RAB27B: variants seen among roughly 807,000 people sequenced by gnomAD.
RAB27B encodes RAB27B, member RAS oncogene family.
Under a neutral mutation model 24.6 loss-of-function variants are expected in RAB27B, and 15 were observed. The ratio of observed to expected loss-of-function variants is 0.61; its 90% CI spans 0.41 to 0.94. RAB27B has a LOEUF of 0.94. Ranked by LOEUF, RAB27B falls within the 40% of genes least tolerant of loss-of-function variation. The probability of loss-of-function intolerance (pLI) is 0.00; values close to 1 mark genes in which losing one functional copy is unlikely to be tolerated. For synonymous variants in RAB27B, 105 were observed against 92.5 expected, an observed-to-expected ratio of 1.14 and a Z score of -0.78; for missense variants, 261 against 266.8, an observed-to-expected ratio of 0.98 and a Z score of 0.15.
intron 1 of RAB27B, among the ~76,000 whole-genome samples, chr18:54,875,842 G>A (rs1238383399): frequency 6.6e-6 from 1 of 151,926 alleles, no homozygotes; most frequent in Non-Finnish European, 1.5e-5. Flanking sequence ...GTTTTGATTG[G>A]TGACTAAAGT....
At chr18:54,725,494 G>A (rs935482130) in intron 2 of RAB27B, among the ~76,000 whole-genome samples, 3 of 151,532 alleles carry the variant, frequency 2.0e-5, no homozygotes, top group Admixed American at 2.0e-4. Context: ...GGTAATGTTT[G>A]TTGCCTGTAT....
In RAB27B at chr18:54,863,193, A is replaced by G. The variant is rs1912074962; in HGVS notation, c.-19-14374A>G. Among the ~76,000 whole-genome samples the G allele has an allele frequency of 1.3e-5, 2 of 152,240 alleles. 1 individual carries two copies. Among genetic ancestry groups the G allele is most frequent in the South Asian group, 4.1e-4 (2 of 4,838 alleles). On this transcript the variant is annotated intron_variant, in intron 1 of 5. Coordinates refer to ENST00000262094, the MANE Select transcript of RAB27B (RefSeq NM_004163.4). ...TGATTAAGTATATATGTGATTAAATACATAGATTATTAAAGGTACATATGA... is the reference window on the plus strand; with the variant it reads ...TGATTAAGTATATATGTGATTAAATGCATAGATTATTAAAGGTACATATGA...
intron 2 of RAB27B, among the ~76,000 whole-genome samples, chr18:54,809,973 A>G (rs1327373622): frequency 6.6e-6 from 1 of 152,214 alleles, no homozygotes; most frequent in African/African-American, 2.4e-5. Context: ...TAATTTTATT[A>G]TTCTGACTGT....
intron 1 of RAB27B, among the ~76,000 whole-genome samples, chr18:54,849,931 C>T (rs1038855470): frequency 1.3e-5 from 2 of 152,002 alleles, no homozygotes; most frequent in Non-Finnish European, 2.9e-5. Flanking sequence ...TTACTCATAC[C>T]TTTAAAAGGA....
chr18:54,865,360 A>G (rs1912175003), intron 1 of RAB27B, among the ~76,000 whole-genome samples: 1 of 151,294 alleles, frequency 6.6e-6, no homozygotes, highest in Non-Finnish European at 1.5e-5. Context: ...GGTACCTAAG[A>G]ATTGCCAAGG....
intron 2 of RAB27B, among the ~76,000 whole-genome samples, chr18:54,794,945 C>T (rs1028892728): frequency 1.4e-4 from 22 of 152,106 alleles, no homozygotes; most frequent in African/African-American, 5.3e-4. Flanking sequence ...CTTTTTTTGA[C>T]TACTCCTATT....
At chr18:54,826,988 G>A (rs1469632597), upstream of RAB27B, among the ~76,000 whole-genome samples, 1 of 152,150 alleles carries the variant, frequency 6.6e-6, no homozygotes, top group Non-Finnish European at 1.5e-5. Context: ...TAGCACAGAG[G>A]GTGATTTTAA....
chr18:54,742,075 AAT>A (rs1403970628), intron 2 of RAB27B, among the ~76,000 whole-genome samples: 1 of 152,224 alleles, frequency 6.6e-6, no homozygotes. Flanking sequence ...TAGAGGAGTG[AAT>A]GTTTTCATAT....
chr18:54,764,919 T>A (rs975110722), intron 2 of RAB27B, among the ~76,000 whole-genome samples: 1 of 152,154 alleles, frequency 6.6e-6, no homozygotes, highest in Non-Finnish European at 1.5e-5. Flanking sequence ...AAAAGACTGC[T>A]TGTGTCATTT....
chr18:54,718,487 A>C (rs572068943), intron 2 of RAB27B, among the ~76,000 whole-genome samples: 10 of 152,310 alleles, frequency 6.6e-5, no homozygotes, highest in African/African-American at 1.4e-4. Context: ...GCCATGGTGC[A>C]GTGTTGGAGT....
intron 1 of RAB27B, among the ~76,000 whole-genome samples, chr18:54,835,234 A>G (rs970173008): frequency 1.3e-5 from 2 of 152,038 alleles, no homozygotes; most frequent in South Asian, 2.1e-4. Context: ...ACGTTTTCTA[A>G]TATTAAGAGG....
chr18:54,732,503 G>A (rs1054665646), intron 2 of RAB27B, among the ~76,000 whole-genome samples: 5 of 152,108 alleles, frequency 3.3e-5, no homozygotes, highest in Admixed American at 2.6e-4. Context: ...GGAAACAGAA[G>A]CCATGGCTTA....
chr18:54,750,707 C>T (rs1356159121), intron 2 of RAB27B, among the ~76,000 whole-genome samples: 1 of 152,156 alleles, frequency 6.6e-6, no homozygotes, highest in Non-Finnish European at 1.5e-5. Flanking sequence ...GAATTCAAGA[C>T]ACTCAGGTTA....
At chr18:54,813,001 C>A (rs538922742) in intron 2 of RAB27B, among the ~76,000 whole-genome samples, 1 of 152,250 alleles carries the variant, frequency 6.6e-6, no homozygotes, top group South Asian at 2.1e-4. Flanking sequence ...CCTTAGTTGA[C>A]ATAATTCAGA....
chr18:54,721,319 A>G (rs2144971491), intron 2 of RAB27B, among the ~76,000 whole-genome samples: 1 of 152,316 alleles, frequency 6.6e-6, no homozygotes, highest in Middle Eastern at 3.4e-3. Flanking sequence ...ATGGGAGACG[A>G]TTAATATACC....
intron 1 of RAB27B, among the ~76,000 whole-genome samples, chr18:54,874,092 A>T (rs1912592999): frequency 1.3e-5 from 2 of 152,234 alleles, no homozygotes; most frequent in Non-Finnish European, 2.9e-5. Flanking sequence ...TACAAAAGAC[A>T]GAGAACAGTC....
chr18:54,776,148 C>G (rs1174508544), intron 2 of RAB27B, among the ~76,000 whole-genome samples: 5 of 152,180 alleles, frequency 3.3e-5, no homozygotes, highest in Admixed American at 3.3e-4. Flanking sequence ...TAGAAAGTAG[C>G]CTGTTAGTGT....
intron 2 of RAB27B, among the ~76,000 whole-genome samples, chr18:54,817,985 A>G (rs1330937947): frequency 1.3e-5 from 2 of 152,070 alleles, no homozygotes; most frequent in African/African-American, 2.4e-5. Flanking sequence ...TGAGACTCCT[A>G]TTGAGCCCCC....
At chr18:54,874,326 A>G (rs1912604206) in intron 1 of RAB27B, among the ~76,000 whole-genome samples, 1 of 152,148 alleles carries the variant, frequency 6.6e-6, no homozygotes, top group African/African-American at 2.4e-5. Context: ...TGAAAACACA[A>G]CCAGGATTTG....
Sources: allele counts gnomAD v4.1 joint callset (sites outside exome capture counted in the v4.1 genomes callset), GRCh38; gene constraint gnomAD v4.1.1; transcripts MANE v1.5; gene names NCBI Gene and HGNC (gene_info 2026-07-23, HGNC 2026-07-21).